HIGD1C: variants seen among roughly 807,000 people sequenced by gnomAD.
The protein encoded by HIGD1C is HIG1 domain family member 1C.
In HIGD1C, 11 loss-of-function variants were observed where a neutral mutation model predicts 13.1. The ratio of observed to expected loss-of-function variants is 0.84; its 90% CI spans 0.53 to 1.39. HIGD1C has a LOEUF of 1.39. Ranked by LOEUF, HIGD1C falls within the 40% of genes most tolerant of loss-of-function variation. The probability of loss-of-function intolerance (pLI) is 0.00; values close to 1 mark genes in which losing one functional copy is unlikely to be tolerated. For missense variants in HIGD1C, 110 were observed against 112.0 expected (o/e 0.98, Z 0.08); for synonymous variants, 36 against 37.7 (o/e 0.95, Z 0.17).
the HIGD1C span, among the ~76,000 whole-genome samples, chr12:50,938,539 G>A: frequency 6.6e-6 from 1 of 152,184 alleles, no homozygotes; most frequent in Admixed American, 6.5e-5. Context: ...GTAGGGCACA[G>A]GGCTCCTTCC....
In HIGD1C at chr12:50,964,008, G is replaced by T. The variant is rs56402416; in HGVS notation, c.229+2906G>T. Reference sequence around the variant, plus strand: ...AAGAGGATACAGAATCCCTTCATACGTCTTTGGATGATGATGATTCCTCTT... The same window carrying T: ...AAGAGGATACAGAATCCCTTCATACTTCTTTGGATGATGATGATTCCTCTT... On this transcript the variant is annotated intron_variant, in intron 2 of 2. Transcript: ENST00000398455. Among the ~76,000 whole-genome samples the T allele has an allele frequency of 7.7e-4, 117 of 151,982 alleles. 1 individual carries two copies. The highest frequency in any genetic ancestry group is 1.3e-3 in the Non-Finnish European group (87 of 67,994).
At chr12:50,958,378 T>G (rs1437883421) in intron 1 of HIGD1C, among the ~76,000 whole-genome samples, 1 of 149,814 alleles carries the variant, frequency 6.7e-6, no homozygotes, top group African/African-American at 2.5e-5. Flanking sequence ...GCCTCCCGGG[T>G]TCACACCATT....
intron 2 of HIGD1C, among the ~76,000 whole-genome samples, chr12:50,961,702 C>A (rs1939335814): frequency 6.6e-6 from 1 of 152,108 alleles, no homozygotes; most frequent in Non-Finnish European, 1.5e-5. Flanking sequence ...ACAAGAAGTC[C>A]ATTTTAGGAC....
upstream of HIGD1C, among the ~76,000 whole-genome samples, chr12:50,953,334 G>T (rs776926421): frequency 6.6e-6 from 1 of 152,174 alleles, no homozygotes; most frequent in Non-Finnish European, 1.5e-5. Context: ...TTGAATTCTG[G>T]GGTGAACACA....
intron 2 of HIGD1C, among the ~76,000 whole-genome samples, chr12:50,968,230 A>G (rs947003087): frequency 6.6e-6 from 1 of 152,212 alleles, no homozygotes; most frequent in African/African-American, 2.4e-5. Context: ...TTATGTTTCT[A>G]ATACTGGGGA....
the HIGD1C span, among the ~76,000 whole-genome samples, chr12:50,943,276 A>G: frequency 8.5e-5 from 13 of 152,242 alleles, no homozygotes; most frequent in Non-Finnish European, 1.5e-4. Context: ...GGTTCTATAC[A>G]TGATAACATT....
At chr12:50,933,703 T>C in the HIGD1C span, among the ~76,000 whole-genome samples, 1 of 152,222 alleles carries the variant, frequency 6.6e-6, no homozygotes, top group Non-Finnish European at 1.5e-5. Context: ...AACAAAGTTG[T>C]GAGTTGTTTT....
chr12:50,960,874 C>A, intron 1 of HIGD1C, 94 bp from the exon 4 acceptor site: 2 of 1,051,364 alleles, frequency 1.9e-6, no homozygotes, highest in Non-Finnish European at 2.7e-6. Flanking sequence ...GAGATGGGGT[C>A]TTGCTATGTT....
the HIGD1C span, among the ~76,000 whole-genome samples, chr12:50,944,950 G>A: frequency 2.6e-5 from 4 of 152,054 alleles, no homozygotes; most frequent in Non-Finnish European, 5.9e-5. Flanking sequence ...ATCAATCAAT[G>A]TAATCCAGCA....
At chr12:50,944,414 G>C in the HIGD1C span, among the ~76,000 whole-genome samples, 1 of 152,184 alleles carries the variant, frequency 6.6e-6, no homozygotes, top group African/African-American at 2.4e-5. Flanking sequence ...CCAGCACTTT[G>C]GGAAGACAAG....
intron 2 of HIGD1C, among the ~76,000 whole-genome samples, chr12:50,969,664 A>G (rs1415144434): frequency 6.6e-6 from 1 of 150,772 alleles, no homozygotes; most frequent in Non-Finnish European, 1.5e-5. Context: ...ACGCCATTGT[A>G]CCACTCCAGC....
At chr12:50,968,234 C>G (rs150882089) in intron 2 of HIGD1C, among the ~76,000 whole-genome samples, 6 of 152,222 alleles carry the variant, frequency 3.9e-5, no homozygotes, top group African/African-American at 1.4e-4. Context: ...GTTTCTAATA[C>G]TGGGGACTGA....
the HIGD1C span, among the ~76,000 whole-genome samples, chr12:50,947,709 T>C: frequency 6.6e-6 from 1 of 152,186 alleles, no homozygotes; most frequent in Non-Finnish European, 1.5e-5. Flanking sequence ...GAGGCAATAT[T>C]ATTCTGCCTG....
At chr12:50,963,110 C>T (rs191976153) in intron 2 of HIGD1C, among the ~76,000 whole-genome samples, 55 of 151,964 alleles carry the variant, frequency 3.6e-4, no homozygotes, top group African/African-American at 1.3e-3. Flanking sequence ...TGGTTTGCAC[C>T]TGTAATCCCA....
chr12:50,938,517 C>A, the HIGD1C span, among the ~76,000 whole-genome samples: 4 of 152,162 alleles, frequency 2.6e-5, no homozygotes, highest in East Asian at 7.7e-4. Flanking sequence ...GGGCTGGTGC[C>A]CCACCAACTC....
downstream of HIGD1C, among the ~76,000 whole-genome samples, chr12:50,971,174 C>T (rs183760631): frequency 2.9e-4 from 44 of 149,498 alleles, no homozygotes; most frequent in African/African-American, 1.0e-3. Flanking sequence ...GCCACGGCGC[C>T]GAGCCACAGA....
intron 1 of HIGD1C, among the ~76,000 whole-genome samples, chr12:50,956,041 GA>G (rs1939080515): frequency 6.6e-6 from 1 of 152,176 alleles, no homozygotes; most frequent in Non-Finnish European, 1.5e-5. Flanking sequence ...AGTAAGAACA[GA>G]ACTTTCATTT....
At chr12:50,953,939 A>G in exon 1 of HIGD1C, 1 of 1,039,788 alleles carries the variant, frequency 9.6e-7, no homozygotes. Context: ...GAGGAAAAAC[A>G]AATTATTTTT....
upstream of HIGD1C, among the ~76,000 whole-genome samples, chr12:50,952,805 G>A (rs1291456276): frequency 6.6e-6 from 1 of 152,164 alleles, no homozygotes; most frequent in Non-Finnish European, 1.5e-5. Flanking sequence ...CCGAAGGATG[G>A]CAAGAATCCT....
Sources: allele counts gnomAD v4.1 joint callset (sites outside exome capture counted in the v4.1 genomes callset), GRCh38; gene constraint gnomAD v4.1.1; transcripts MANE v1.5; gene names NCBI Gene and HGNC (gene_info 2026-07-23, HGNC 2026-07-21).